RUSF1: variants seen among roughly 807,000 people sequenced by gnomAD.
RUSF1 encodes RUS family member 1.
RUSF1 carries 58 observed loss-of-function variants against 63.0 expected under a neutral mutation model. The observed-to-expected ratio is 0.92, with a 90% CI of 0.75 to 1.15. The LOEUF (loss-of-function observed/expected upper bound fraction) is 1.15, where lower values mean the gene tolerates loss of function less well. RUSF1 is among the 50% of genes most tolerant of loss of function. RUSF1 has a pLI of 0.00. For synonymous variants in RUSF1, 274 were observed against 255.8 expected (o/e 1.07, Z -0.68); for missense variants, 652 against 611.0 (o/e 1.07, Z -0.71).
rs1458035669 is a variant in RUSF1, at chr16:31,508,166, G to C, written c.208C>G (p.Leu70Val). ...VGASGAPSPP[L>V]SGLQAVFLPQ... ...AGGAACACGGCCTGGAGCCCGGAGA[G>C]GGGCGGTGAGGGGGCCCCGGAAGCC... is the stretch of plus-strand genomic sequence containing the variant. The change falls in exon 1 of 13, where the codon CTC (leucine) becomes GTC (valine). Residue 70 changes from leucine to valine, a missense_variant. Coordinates refer to ENST00000327237, the MANE Select transcript of RUSF1 (RefSeq NM_022744.4). The C allele has an allele frequency of 1.3e-6, 2 of 1,578,082 alleles. No individual in the cohort carries two copies. The highest frequency in any genetic ancestry group is 1.7e-6 in the Non-Finnish European group (2 of 1,163,210).
intron 2 of RUSF1, among the ~76,000 whole-genome samples, chr16:31,503,663 CTTTATTTA>C (rs758037134): frequency 2.6e-5 from 4 of 152,080 alleles, no homozygotes; most frequent in Non-Finnish European, 5.9e-5. Flanking sequence ...AATAACAAGC[CTTTATTTA>C]TTTATTTTTT....
At chr16:31,507,617 TG>T in intron 2 of RUSF1, 146 bp downstream of exon 2, 1 of 716,166 alleles carries the variant, frequency 1.4e-6, no homozygotes, top group Non-Finnish European at 2.3e-6. Context: ...GAAGTAAGAC[TG>T]GGTTACAAAG....
At chr16:31,491,956 C>T in intron 12 of RUSF1, 53 bp downstream of exon 12, 4 of 1,591,476 alleles carry the variant, frequency 2.5e-6, no homozygotes, top group Non-Finnish European at 3.4e-6. Context: ...GAAGGCGGGG[C>T]CCCCAGGGAC....
chr16:31,492,873 A>G, intron 10 of RUSF1, 105 bp downstream of exon 10: 1 of 1,141,856 alleles, frequency 8.8e-7, no homozygotes, highest in Non-Finnish European at 1.2e-6. Flanking sequence ...CAACCCCCAG[A>G]ACAGGCAGCC....
Position 31,493,057 on chromosome 16 carries a change from G to C in RUSF1, c.1017-9C>G, listed in dbSNP as rs774409557. ...GCTGCAGCTCAAAGACACTGTGGGG[G>C]AGAGGACAGTGCAGTGGGGGTGGAG... On this transcript the variant is annotated splice_polypyrimidine_tract_variant and intron_variant, in intron 9 of 12. Transcript: ENST00000327237. 6.2e-7 allele frequency: 1 copy of C among 1,613,416 alleles called. No individual in the cohort carries two copies. The highest frequency in any genetic ancestry group is 1.3e-5 in the African/African-American group (1 of 74,910).
chr16:31,491,039 CTGGG>C, intron 12 of RUSF1, 107 bp from the exon 13 acceptor site: 1 of 1,024,962 alleles, frequency 9.8e-7, no homozygotes, highest in South Asian at 1.4e-5. Context: ...ACTGCCTCTG[CTGGG>C]TGAGTATGGC....
chr16:31,490,210 A>C lies in RUSF1; in HGVS notation c.*625T>G, dbSNP rs776308203. On this transcript the variant is annotated 3_prime_UTR_variant, in exon 13 of 13. Transcript: ENST00000327237. The stretch of plus-strand genomic sequence containing the variant: ...CTCCCTGTACAGAATGGGTGCCCAG[A>C]GAGTGCCATGGAGATGAATGGTAGG... 2.5e-6 allele frequency: 4 copies of C among 1,614,196 alleles called. No homozygotes were observed. Among genetic ancestry groups the C allele is most frequent in the Non-Finnish European group, 3.4e-6 (4 of 1,180,028 alleles).
intron 3 of RUSF1, 45 bp from the exon 4 acceptor site, chr16:31,499,570 C>G: frequency 6.5e-7 from 1 of 1,528,534 alleles, no homozygotes; most frequent in Non-Finnish European, 8.9e-7. Flanking sequence ...TAAGGAGAAA[C>G]ACATCCTATG....
chr16:31,500,589 A>T, intron 3 of RUSF1, 97 bp downstream of exon 3: 1 of 1,449,794 alleles, frequency 6.9e-7, no homozygotes, highest in Non-Finnish European at 9.4e-7. Flanking sequence ...CATCTCATGG[A>T]ACCCTTACAG....
Position 31,508,153 on chromosome 16 carries a change from T to G in RUSF1, c.221A>C (p.Gln74Pro). ...GAAGCCCTGAGGCAGGAACACGGCC[T>G]GGAGCCCGGAGAGGGGCGGTGAGGG... ...GAPSPPLSGLQAVFLPQGFPD... is the reference protein window; with the variant it reads ...GAPSPPLSGLPAVFLPQGFPD... Residue 74 changes from glutamine (Q) to proline (P), a missense_variant, in exon 1 of 13, where the codon CAG becomes CCG. Transcript: ENST00000327237. 2 of 1,589,682 alleles carry G rather than the reference T, an allele frequency of 1.3e-6. No homozygotes were observed. The highest frequency in any genetic ancestry group is 1.7e-6 in the Non-Finnish European group (2 of 1,168,974).
intron 2 of RUSF1, among the ~76,000 whole-genome samples, chr16:31,503,616 G>A (rs926166418): frequency 1.3e-5 from 2 of 152,180 alleles, no homozygotes; most frequent in Non-Finnish European, 2.9e-5. Flanking sequence ...ATGAAAATGA[G>A]CTTGTAAAAT....
In RUSF1 at chr16:31,507,746, T is replaced by C; in HGVS notation, c.415+18A>G. 6.4e-7 allele frequency: 1 copy of C among 1,553,842 alleles called. No individual in the cohort carries two copies. The highest frequency in any genetic ancestry group is 2.4e-5 in the East Asian group (1 of 41,270). The stretch of plus-strand genomic sequence containing the variant: ...GGCTGAAAGCAGCAATACGTGAGGC[T>C]CCAGGGGTGCAGCTCACCTTTCACG... On this transcript the variant is annotated intron_variant, in intron 2 of 12. Coordinates refer to ENST00000327237, the MANE Select transcript of RUSF1 (RefSeq NM_022744.4).
Position 31,499,524 on chromosome 16 carries a change from TC to T in RUSF1, c.462del (p.Ser155AlafsTer20). On this transcript the variant is annotated frameshift_variant and splice_region_variant, in exon 4 of 13. Coordinates refer to ENST00000327237, the MANE Select transcript of RUSF1 (RefSeq NM_022744.4). LOFTEE classifies it high-confidence loss of function. ...LGRIVFAWWK[G>X]SKLDCNAKQW... ...TGCTTGGCATTGCAGTCCAGTTTGC[TC>T]CTGTTGGGGAGGAGAGGTTGTTGTA... The T allele has an allele frequency of 6.2e-7, 1 of 1,603,116 alleles. No individual in the cohort carries two copies. Among genetic ancestry groups the T allele is most frequent in the South Asian group, 1.1e-5 (1 of 89,824 alleles).
intron 5 of RUSF1, 100 bp downstream of exon 5, chr16:31,499,202 A>C: frequency 9.2e-7 from 1 of 1,088,828 alleles, no homozygotes; most frequent in African/African-American, 1.5e-5. Context: ...GAACTTTCTT[A>C]TTCTTCTTGA....
chr16:31,502,118 C>G, intron 2 of RUSF1, among the ~76,000 whole-genome samples: 1 of 152,166 alleles, frequency 6.6e-6, no homozygotes, highest in South Asian at 2.1e-4. Context: ...GGGACTCATA[C>G]AGTGGACATG....
intron 2 of RUSF1, 46 bp from the exon 3 acceptor site, chr16:31,500,777 A>G (rs2082629276): frequency 6.3e-7 from 1 of 1,587,196 alleles, no homozygotes; most frequent in African/African-American, 1.3e-5. Context: ...GAGGTGTGGG[A>G]GCTGTGGGGC....
At position 31,508,064 on chromosome 16, in the gene RUSF1, C is replaced by A; in HGVS notation, c.300+10G>T. On this transcript the variant is annotated intron_variant, in intron 1 of 12. Transcript: ENST00000327237. Reference sequence around the variant, plus strand: ...CTGCACTGTCCTCTGCCCCAGACGACCGAGCTGACCTGCACGGAATCCCAC... The same window carrying A: ...CTGCACTGTCCTCTGCCCCAGACGAACGAGCTGACCTGCACGGAATCCCAC... 6.3e-7 allele frequency: 1 copy of A among 1,597,014 alleles called. No individual in the cohort carries two copies.
intron 9 of RUSF1, 61 bp from the exon 10 acceptor site, chr16:31,493,109 A>T: frequency 6.5e-7 from 1 of 1,535,704 alleles, no homozygotes; most frequent in Non-Finnish European, 9.0e-7. Flanking sequence ...ATGCCCAACC[A>T]GCCACTGAAC....
chr16:31,489,690 G>A lies in RUSF1; in HGVS notation c.*1145C>T. The A allele has an allele frequency of 2.1e-6, 1 of 467,466 alleles. No homozygotes were observed. The highest frequency in any genetic ancestry group is 4.4e-5 in the East Asian group (1 of 22,864). The allele number at this position is 467,466 out of a possible 1,614,324, so 29.0% of individuals were successfully genotyped here. A position where few individuals can be genotyped will look rare whatever the true frequency, so the allele number is the denominator to read the frequency against. ...CAAAGGGCAGGTGGCTCCAGGCAGG[G>A]CTGATGGTGGCAGGGTGGGGTGAGG... is the stretch of plus-strand genomic sequence containing the variant. On this transcript the variant is annotated 3_prime_UTR_variant, in exon 13 of 13. Coordinates refer to ENST00000327237, the MANE Select transcript of RUSF1 (RefSeq NM_022744.4).
Sources: gnomAD v4.1 joint callset for allele counts (sites outside exome capture counted in the v4.1 genomes callset) on GRCh38, gnomAD v4.1.1 for gene constraint, MANE v1.5 for transcripts, NCBI Gene and HGNC (gene_info 2026-07-23, HGNC 2026-07-21) for gene names.